PCNT: variants seen among roughly 807,000 people sequenced by gnomAD.
PCNT encodes kendrin.
Under a neutral mutation model 380.4 loss-of-function variants are expected in PCNT, and 319 were observed. That is an observed-to-expected ratio of 0.84 (90% CI 0.77 to 0.92). The LOEUF (loss-of-function observed/expected upper bound fraction) is 0.92, where lower values mean the gene tolerates loss of function less well. Ranked by LOEUF, PCNT falls within the 40% of genes least tolerant of loss-of-function variation. The pLI is 0.00. For missense variants in PCNT, 4,400 were observed against 4,255.3 expected (o/e 1.03, Z -0.95); for synonymous variants, 1,845 against 1,735.2 (o/e 1.06, Z -1.57).
At chr21:46,353,718 GTGT>G (rs1569186788) in intron 10 of PCNT, among the ~76,000 whole-genome samples, 4 of 67,074 alleles carry the variant, frequency 6.0e-5, no homozygotes, top group East Asian at 6.3e-4. Flanking sequence ...TCCTCCAGGT[GTGT>G]GTGTGTGTGT....
At chr21:46,440,011 C>T in intron 41 of PCNT, 72 bp from the exon 42 acceptor site, 1 of 1,596,176 alleles carries the variant, frequency 6.3e-7, no homozygotes, top group Admixed American at 1.7e-5. Flanking sequence ...CTCACCTGCC[C>T]CCGGCTGCGT....
chr21:46,405,976 G>A (rs2839242), intron 27 of PCNT, among the ~76,000 whole-genome samples: 49,155 of 151,912 alleles, frequency 0.32, 8,503 homozygotes, highest in East Asian at 0.43. Flanking sequence ...GTAAAGATGC[G>A]GATGCTATTT....
intron 27 of PCNT, among the ~76,000 whole-genome samples, chr21:46,409,883 C>T (rs1420348875): frequency 1.3e-5 from 2 of 152,192 alleles, no homozygotes; most frequent in African/African-American, 2.4e-5. Flanking sequence ...CGTGAGCCAC[C>T]GCGCCCGGCC....
At chr21:46,333,122 A>G (rs1057198367) in intron 2 of PCNT, among the ~76,000 whole-genome samples, 2 of 151,774 alleles carry the variant, frequency 1.3e-5, no homozygotes, top group African/African-American at 4.8e-5. Flanking sequence ...CAAAAAATTA[A>G]TTAAATTTCT....
intron 30 of PCNT, among the ~76,000 whole-genome samples, chr21:46,417,044 G>A (rs2087054060): frequency 6.6e-6 from 1 of 152,146 alleles, no homozygotes; most frequent in African/African-American, 2.4e-5. Context: ...AGATGCATTT[G>A]CCTGCCTCAG....
At chr21:46,407,242 A>G (rs2086645846) in intron 27 of PCNT, among the ~76,000 whole-genome samples, 1 of 149,450 alleles carries the variant, frequency 6.7e-6, no homozygotes, top group Admixed American at 6.6e-5. Flanking sequence ...AGGTATTTGG[A>G]TTTCTGTTTC....
intron 6 of PCNT, 75 bp downstream of exon 6, chr21:46,347,587 GC>G: frequency 7.4e-7 from 1 of 1,349,158 alleles, no homozygotes; most frequent in Non-Finnish European, 1.1e-6. Context: ...CCATGAGAAC[GC>G]TCCTCACCTT....
At chr21:46,344,701 G>A (rs533240605) in intron 3 of PCNT, among the ~76,000 whole-genome samples, 3 of 152,350 alleles carry the variant, frequency 2.0e-5, no homozygotes, top group Non-Finnish European at 2.9e-5. Flanking sequence ...CAGGGGATAC[G>A]TCCCAGGCGC....
chr21:46,424,155 G>A lies in PCNT; in HGVS notation c.7180-1676G>A, dbSNP rs567224923. ...CACAGACGCCAAGAGTGTGGTCGAC[G>A]CTCTAATAGCCCCTGTGGTCCCTAT... is the stretch of plus-strand genomic sequence containing the variant. On this transcript the variant is annotated intron_variant, in intron 32 of 46. Transcript: ENST00000359568. 1.2e-4 allele frequency among the ~76,000 whole-genome samples: 19 copies of A among 152,280 alleles called. No homozygotes were observed. The South Asian group carries it at 2.9e-3, about 23-fold the overall frequency.
chr21:46,340,349 T>C (rs2083878943), intron 3 of PCNT, among the ~76,000 whole-genome samples: 2 of 152,220 alleles, frequency 1.3e-5, no homozygotes, highest in Admixed American at 6.5e-5. Flanking sequence ...AGCCCAATCA[T>C]ATCACATACG....
At position 46,440,954 on chromosome 21, in the gene PCNT, G is replaced by C; in HGVS notation, c.9493G>C (p.Asp3165His). 6.2e-7 allele frequency: 1 copy of C among 1,613,440 alleles called. No homozygotes were observed. Among genetic ancestry groups the C allele is most frequent in the South Asian group, 1.1e-5 (1 of 91,058 alleles). Residue 3165 changes from aspartate to histidine, a missense_variant, in exon 43 of 47, where the codon GAT becomes CAT. By Grantham distance (81) the Asp-to-His change is moderately conservative. Transcript: ENST00000359568. Reference sequence around the variant, plus strand: ...TTTGCTGTTGATTGGTGGATTCCAGGATTCTGAACAAGAAACACTCTCCAT... The same window carrying C: ...TTTGCTGTTGATTGGTGGATTCCAGCATTCTGAACAAGAAACACTCTCCAT... ...YLLLLIGGFQ[D>H]SEQETLSMIA...
At chr21:46,332,355 C>T (rs576339758) in intron 2 of PCNT, among the ~76,000 whole-genome samples, 1 of 152,246 alleles carries the variant, frequency 6.6e-6, no homozygotes, top group East Asian at 1.9e-4. Context: ...GATTTCTGGG[C>T]CGTTTTACTG....
chr21:46,367,258 T>C (rs1008248550), intron 15 of PCNT, 119 bp downstream of exon 15: 14 of 812,708 alleles, frequency 1.7e-5, no homozygotes, highest in Non-Finnish European at 2.2e-5. Context: ...TGTCTGTGTG[T>C]CTCACAGGCT....
intron 15 of PCNT, among the ~76,000 whole-genome samples, chr21:46,370,009 C>A (rs902613745): frequency 1.3e-5 from 2 of 152,218 alleles, no homozygotes; most frequent in Admixed American, 6.5e-5. Context: ...GCGGGAGGGG[C>A]TGTGCAGGTG....
At chr21:46,341,392 T>C (rs1335252744) in intron 3 of PCNT, among the ~76,000 whole-genome samples, 1 of 152,130 alleles carries the variant, frequency 6.6e-6, no homozygotes, top group Admixed American at 6.6e-5. Flanking sequence ...GTCTGTGTTA[T>C]GGCTCGTGGG....
chr21:46,397,161 T>G, intron 21 of PCNT, 104 bp from the exon 22 acceptor site: 1 of 923,282 alleles, frequency 1.1e-6, no homozygotes, highest in Non-Finnish European at 1.8e-6. Context: ...AGTGACTTCA[T>G]TTTCGGTGGG....
At position 46,334,393 on chromosome 21, in the gene PCNT, T is replaced by C. The variant is rs1569162349; in HGVS notation, c.268-4T>C. ...ATGCTTCTTTCTGGTCCTCCCCTTC[T>C]TAGCCGGAGGACTGTGATGGAGAGA... On this transcript the variant is annotated splice_polypyrimidine_tract_variant and splice_region_variant and intron_variant, in intron 2 of 46. Coordinates refer to ENST00000359568, the MANE Select transcript of PCNT (RefSeq NM_006031.6). 1.2e-6 allele frequency: 2 copies of C among 1,614,162 alleles called. No individual in the cohort carries two copies. The highest frequency in any genetic ancestry group is 1.7e-5 in the Admixed American group (1 of 60,016).
chr21:46,351,822 G>T (rs1452779362), intron 9 of PCNT, among the ~76,000 whole-genome samples: 1 of 152,198 alleles, frequency 6.6e-6, no homozygotes. Flanking sequence ...CATGTCTAAG[G>T]AAAGCTTACC....
At chr21:46,339,343 C>T (rs1378506368) in intron 3 of PCNT, among the ~76,000 whole-genome samples, 5 of 152,150 alleles carry the variant, frequency 3.3e-5, no homozygotes, top group Non-Finnish European at 4.4e-5. Context: ...ACCCTGAAGG[C>T]TTTTGTCTTT....
Sources: gnomAD v4.1 joint callset for allele counts (sites outside exome capture counted in the v4.1 genomes callset) on GRCh38, gnomAD v4.1.1 for gene constraint, MANE v1.5 for transcripts, NCBI Gene and HGNC (gene_info 2026-07-23, HGNC 2026-07-21) for gene names.